Variants in HERC3 observed in about 807,000 individuals in gnomAD.
The protein encoded by HERC3 is HECT and RLD domain containing E3 ubiquitin protein ligase 3, also known as probable E3 ubiquitin-protein ligase HERC3.
Under a neutral mutation model 129.9 loss-of-function variants are expected in HERC3, and 58 were observed. The ratio of observed to expected loss-of-function variants is 0.45; its 90% confidence interval spans 0.36 to 0.56. HERC3 has a LOEUF of 0.56. Ranked by LOEUF, HERC3 falls within the 20% of genes least tolerant of loss-of-function variation. HERC3 has a pLI of 0.00. For synonymous variants in HERC3, 430 were observed against 451.0 expected (o/e 0.95, Z 0.59); for missense variants, 835 against 1,244.2 (o/e 0.67, Z 4.95).
chr4:88,611,809 G>C (rs547855823), intron 3 of HERC3, among the ~76,000 whole-genome samples: 15 of 152,262 alleles, frequency 9.9e-5, no homozygotes, highest in African/African-American at 3.4e-4. Flanking sequence ...GTCCTAGCAG[G>C]GTGTCCACCA....
At chr4:88,671,098 C>T (rs908803126) in intron 16 of HERC3, among the ~76,000 whole-genome samples, 1 of 152,116 alleles carries the variant, frequency 6.6e-6, no homozygotes, top group Non-Finnish European at 1.5e-5. Flanking sequence ...CTGCCTACCA[C>T]CTCTGGCGTG....
chr4:88,685,783 A>AT (rs1733377040), intron 21 of HERC3, among the ~76,000 whole-genome samples: 1 of 151,952 alleles, frequency 6.6e-6, no homozygotes, highest in Admixed American at 6.6e-5. Context: ...AATAATAATA[A>AT]AGCCAGTCTA....
chr4:88,593,988 C>T (rs1479879328), intron 1 of HERC3, among the ~76,000 whole-genome samples: 2 of 152,104 alleles, frequency 1.3e-5, no homozygotes, highest in African/African-American at 2.4e-5. Flanking sequence ...ATGGTCGTAC[C>T]GCCTTCGAGG....
chr4:88,589,455 C>T (rs1721607903), upstream of HERC3, among the ~76,000 whole-genome samples: 1 of 151,946 alleles, frequency 6.6e-6, no homozygotes, highest in Admixed American at 6.6e-5. Flanking sequence ...GTATATATTC[C>T]TTGGTACAAT....
chr4:88,573,907 A>G, the HERC3 span, among the ~76,000 whole-genome samples: 3 of 152,196 alleles, frequency 2.0e-5, no homozygotes, highest in Non-Finnish European at 2.9e-5. Context: ...ACTGAAAAAT[A>G]AATACACCCA....
chr4:88,639,224 A>G (rs781700818), intron 3 of HERC3, among the ~76,000 whole-genome samples: 1 of 152,324 alleles, frequency 6.6e-6, no homozygotes, highest in African/African-American at 2.4e-5. Context: ...AATTCTTCAC[A>G]GATTTAGAAA....
chr4:88,551,876 A>G, the HERC3 span, among the ~76,000 whole-genome samples: 1 of 152,190 alleles, frequency 6.6e-6, no homozygotes, highest in Admixed American at 6.5e-5. Context: ...AAAGACTTGG[A>G]ACAAACCCAA....
In HERC3 at chr4:88,698,648, C is replaced by T. The variant is rs372987178; in HGVS notation, c.2658-5450C>T. On this transcript the variant is annotated intron_variant, in intron 23 of 25. Transcript: ENST00000402738. Reference sequence around the variant, plus strand: ...GTTAAAGCATGTGCCATCTATCCCACCCCGCTCACATTCGTCTTCCCTGCC... The same window carrying T: ...GTTAAAGCATGTGCCATCTATCCCATCCCGCTCACATTCGTCTTCCCTGCC... Among the ~76,000 whole-genome samples the T allele has an allele frequency of 5.9e-5, 9 of 152,158 alleles. No homozygotes were observed. The East Asian group carries it at 1.2e-3, about 20-fold the overall frequency.
At chr4:88,703,211 C>A (rs1324235223) in intron 23 of HERC3, among the ~76,000 whole-genome samples, 1 of 152,176 alleles carries the variant, frequency 6.6e-6, no homozygotes, top group Non-Finnish European at 1.5e-5. Context: ...GCAGCTTCCC[C>A]AGACTAGCAG....
intron 3 of HERC3, among the ~76,000 whole-genome samples, chr4:88,644,835 T>C (rs1728521674): frequency 6.6e-6 from 1 of 152,160 alleles, no homozygotes; most frequent in Non-Finnish European, 1.5e-5. Context: ...GAAAATCTCT[T>C]ATGGAAATAG....
intron 11 of HERC3, among the ~76,000 whole-genome samples, chr4:88,663,918 T>G (rs1730774244): frequency 6.6e-6 from 1 of 152,160 alleles, no homozygotes; most frequent in African/African-American, 2.4e-5. Context: ...AGGTTTTCTT[T>G]CAGGAGCTTT....
intron 16 of HERC3, among the ~76,000 whole-genome samples, chr4:88,672,168 T>C (rs1012446693): frequency 1.3e-5 from 2 of 152,196 alleles, no homozygotes; most frequent in Admixed American, 6.5e-5. Flanking sequence ...AAAATAAGTC[T>C]AACAAATTGT....
the HERC3 span, among the ~76,000 whole-genome samples, chr4:88,578,319 T>C: frequency 3.9e-5 from 6 of 152,216 alleles, no homozygotes; most frequent in Admixed American, 6.5e-5. Context: ...TGGTTGCTCA[T>C]GCCTTTAATT....
intron 2 of HERC3, among the ~76,000 whole-genome samples, chr4:88,598,309 G>GTCCTTACACCC (rs1261078185): frequency 2.4e-4 from 37 of 152,144 alleles, no homozygotes; most frequent in Non-Finnish European, 4.7e-4. Context: ...AGTAAAAAGA[G>GTCCTTACACCC]ATTTATCTCC....
chr4:88,642,438 TCAAA>T, intron 3 of HERC3, among the ~76,000 whole-genome samples: 1 of 152,370 alleles, frequency 6.6e-6, no homozygotes, highest in East Asian at 1.9e-4. Context: ...TATAGCTATG[TCAAA>T]CAGTGTTGGA....
At chr4:88,651,151 A>T in intron 4 of HERC3, among the ~76,000 whole-genome samples, 1 of 152,222 alleles carries the variant, frequency 6.6e-6, no homozygotes, top group East Asian at 1.9e-4. Flanking sequence ...TATAACATTA[A>T]TGGCAAAAAT....
chr4:88,623,797 CTTTA>C (rs1362505313), intron 3 of HERC3, among the ~76,000 whole-genome samples: 5 of 152,138 alleles, frequency 3.3e-5, no homozygotes, highest in African/African-American at 1.2e-4. Context: ...TTAAAATCAA[CTTTA>C]TTTAGATAAT....
At chr4:88,683,648 G>T (rs1003067303) in intron 21 of HERC3, among the ~76,000 whole-genome samples, 9 of 152,246 alleles carry the variant, frequency 5.9e-5, no homozygotes, top group Non-Finnish European at 8.8e-5. Flanking sequence ...CACTAAAGAA[G>T]AAAGTGTGAA....
chr4:88,677,848 A>T (rs1201869764), intron 18 of HERC3, 116 bp from the exon 19 acceptor site: 1 of 851,966 alleles, frequency 1.2e-6, no homozygotes, highest in Non-Finnish European at 1.8e-6. Context: ...TAAGAGGGAA[A>T]AAAATTAACA....
Sources: gnomAD v4.1 joint callset for allele counts (sites outside exome capture counted in the v4.1 genomes callset) on GRCh38, gnomAD v4.1.1 for gene constraint, MANE v1.5 for transcripts, NCBI Gene and HGNC (gene_info 2026-07-23, HGNC 2026-07-21) for gene names.